CTNNA2: variants seen among roughly 807,000 people sequenced by gnomAD.
CTNNA2 encodes the protein catenin alpha 2, also known as catenin alpha-2.
CTNNA2 carries 42 observed loss-of-function variants against 101.0 expected under a neutral mutation model. The ratio of observed to expected loss-of-function variants is 0.42; its 90% CI spans 0.32 to 0.54. The LOEUF (loss-of-function observed/expected upper bound fraction) is 0.54, where lower values mean the gene tolerates loss of function less well. Among genes scored for constraint, CTNNA2 ranks in the 20% least tolerant of loss-of-function variants. The pLI is 0.14. For synonymous variants in CTNNA2, 450 were observed against 456.4 expected, an observed-to-expected ratio of 0.99 and a Z score of 0.18; for missense variants, 871 against 1,223.1, an observed-to-expected ratio of 0.71 and a Z score of 4.29.
chr2:80,455,925 C>G (rs1372642185), intron 9 of CTNNA2, among the ~76,000 whole-genome samples: 1 of 152,142 alleles, frequency 6.6e-6, no homozygotes, highest in African/African-American at 2.4e-5. Context: ...GTTATGTCAC[C>G]TGAGGAAGGT....
In CTNNA2 at chr2:80,608,315, AG is replaced by A; in HGVS notation, c.2430+1del. The A allele has an allele frequency of 6.2e-7, 1 of 1,608,366 alleles. No homozygotes were observed. Among genetic ancestry groups the A allele is most frequent in the Non-Finnish European group, 8.5e-7 (1 of 1,176,060 alleles). ...ATCTGGGAGGAGAGCTCATTGTGTC[AG>A]GGGTAAGCTGGACTTGGGCTTCACA... ...QNLGGELIVS[G>X]TGVQSTFTTF... On this transcript the variant is annotated frameshift_variant and splice_region_variant, in exon 17 of 19. Transcript: ENST00000402739. LOFTEE classifies it high-confidence loss of function.
chr2:79,280,663 AAGAG>A (rs1221321835), intron 2 of CTNNA2, among the ~76,000 whole-genome samples: 2 of 49,348 alleles, frequency 4.1e-5, no homozygotes, highest in Non-Finnish European at 7.6e-5. Context: ...GTGTAAGAGA[AAGAG>A]AGAGAGAGAG....
chr2:79,770,893 G>T (rs1312334132), intron 3 of CTNNA2, among the ~76,000 whole-genome samples: 1 of 152,140 alleles, frequency 6.6e-6, no homozygotes, highest in African/African-American at 2.4e-5. Flanking sequence ...AACTTGTATA[G>T]CATCTAGCTT....
chr2:80,205,439 C>T (rs761818327), intron 7 of CTNNA2, among the ~76,000 whole-genome samples: 5 of 152,154 alleles, frequency 3.3e-5, no homozygotes, highest in Non-Finnish European at 7.4e-5. Flanking sequence ...AGTGTTGACA[C>T]TGACGGTCCA....
rs138452832 is a variant in CTNNA2, at chr2:80,484,874, T to C, written c.1291-60108T>C. 1.6e-3 allele frequency among the ~76,000 whole-genome samples: 245 copies of C among 151,988 alleles called. 8 individuals are homozygous for C. Among genetic ancestry groups the C allele is most frequent in the African/African-American group, 5.4e-3 (225 of 41,462 alleles). On this transcript the variant is annotated intron_variant, in intron 9 of 18. Coordinates refer to ENST00000402739, the MANE Select transcript of CTNNA2 (RefSeq NM_001282597.3). Reference sequence around the variant, plus strand: ...ACAAAAAATTAGCCGGGCAAGGTGGTGGGCACCTGTAGTCCCAGCTACTCG... The same window carrying C: ...ACAAAAAATTAGCCGGGCAAGGTGGCGGGCACCTGTAGTCCCAGCTACTCG...
intron 9 of CTNNA2, among the ~76,000 whole-genome samples, chr2:80,456,345 T>G (rs1683976633): frequency 6.6e-6 from 1 of 152,240 alleles, no homozygotes; most frequent in Admixed American, 6.5e-5. Context: ...GGTATTGCTG[T>G]GGCTTCTGTG....
intron 2 of CTNNA2, among the ~76,000 whole-genome samples, chr2:79,296,548 A>G (rs733491): frequency 0.19 from 28,194 of 152,054 alleles, 3,809 homozygotes; most frequent in African/African-American, 0.38. Flanking sequence ...GCACTCTAGC[A>G]CCTACTATAT....
At chr2:80,594,613 C>A (rs1206693070) in intron 15 of CTNNA2, among the ~76,000 whole-genome samples, 2 of 151,556 alleles carry the variant, frequency 1.3e-5, no homozygotes, top group Admixed American at 1.3e-4. Context: ...CCTGTGTTTT[C>A]TTCTTTGAGT....
chr2:79,304,775 C>T (rs892092198), intron 2 of CTNNA2, among the ~76,000 whole-genome samples: 1 of 152,076 alleles, frequency 6.6e-6, no homozygotes, highest in African/African-American at 2.4e-5. Context: ...TAGACATTGT[C>T]AGAGTTTTTG....
At chr2:80,140,857 G>A (rs1244398981) in intron 7 of CTNNA2, among the ~76,000 whole-genome samples, 2 of 152,018 alleles carry the variant, frequency 1.3e-5, no homozygotes, top group Non-Finnish European at 2.9e-5. Flanking sequence ...AGTAGATTAA[G>A]GTTATAGGGA....
At chr2:79,667,004 G>T (rs1388594850) in intron 2 of CTNNA2, among the ~76,000 whole-genome samples, 3 of 152,088 alleles carry the variant, frequency 2.0e-5, no homozygotes, top group African/African-American at 2.4e-5. Flanking sequence ...CCTCAAGAAG[G>T]AGTCTGAAAG....
chr2:80,636,770 A>C (rs12613515), intron 18 of CTNNA2, among the ~76,000 whole-genome samples: 107,451 of 151,982 alleles, frequency 0.71, 39,455 homozygotes, highest in African/African-American at 0.92. Context: ...TGCCTTTCCT[A>C]CACCTTCTAG....
chr2:79,730,869 A>G (rs1331328791), intron 2 of CTNNA2, among the ~76,000 whole-genome samples: 1 of 152,028 alleles, frequency 6.6e-6, no homozygotes, highest in Admixed American at 6.6e-5. Flanking sequence ...TAAATAAAAA[A>G]CAAATTTAGT....
At chr2:80,640,543 G>T (rs1673352722) in intron 18 of CTNNA2, among the ~76,000 whole-genome samples, 1 of 152,136 alleles carries the variant, frequency 6.6e-6, no homozygotes, top group Non-Finnish European at 1.5e-5. Flanking sequence ...TATTACCCTG[G>T]ACTTTCTAGA....
intron 3 of CTNNA2, among the ~76,000 whole-genome samples, chr2:79,343,383 A>G (rs1677182858): frequency 6.6e-6 from 1 of 152,182 alleles, no homozygotes; most frequent in Non-Finnish European, 1.5e-5. Context: ...AAAAGTATCC[A>G]TTTTGCAGAG....
intron 7 of CTNNA2, among the ~76,000 whole-genome samples, chr2:80,318,991 A>G (rs1429668071): frequency 2.0e-5 from 3 of 152,140 alleles, no homozygotes; most frequent in Non-Finnish European, 4.4e-5. Flanking sequence ...AAAAGATAAT[A>G]TGCTAGTGGC....
intron 16 of CTNNA2, among the ~76,000 whole-genome samples, chr2:80,604,638 T>A (rs1042018618): frequency 6.6e-6 from 1 of 152,082 alleles, no homozygotes; most frequent in Admixed American, 6.6e-5. Flanking sequence ...TATTTATTAT[T>A]GCTTTACTTT....
intron 2 of CTNNA2, among the ~76,000 whole-genome samples, chr2:79,217,302 C>T (rs939651906): frequency 2.0e-5 from 3 of 152,154 alleles, no homozygotes; most frequent in African/African-American, 7.2e-5. Context: ...AGTCACGGCA[C>T]CAAATTTCAT....
At chr2:80,310,988 AAAT>A (rs1346882585) in intron 7 of CTNNA2, among the ~76,000 whole-genome samples, 6 of 151,850 alleles carry the variant, frequency 4.0e-5, no homozygotes, top group African/African-American at 1.5e-4. Context: ...AAAAAAAAAA[AAAT>A]GTAAATAGAG....
Sources: gnomAD v4.1 joint callset for allele counts (sites outside exome capture counted in the v4.1 genomes callset) on GRCh38, gnomAD v4.1.1 for gene constraint, MANE v1.5 for transcripts, NCBI Gene and HGNC (gene_info 2026-07-23, HGNC 2026-07-21) for gene names.